PTPRD: variants seen among roughly 807,000 people sequenced by gnomAD.
PTPRD encodes receptor-type tyrosine-protein phosphatase delta.
A neutral mutation model predicts 214.5 loss-of-function variants in PTPRD; 34 were observed. The ratio of observed to expected loss-of-function variants is 0.16; its 90% CI spans 0.12 to 0.21. PTPRD has a LOEUF of 0.21. PTPRD is among the 10% of genes least tolerant of loss of function. PTPRD has a pLI of 1.00. For synonymous variants in PTPRD, 1,128 were observed against 845.7 expected (o/e 1.33, Z -5.79); for missense variants, 2,545 against 2,398.7 (o/e 1.06, Z -1.27).
Position 10,083,751 on chromosome 9 carries a change from C to A in PTPRD, c.-544-49961G>T, listed in dbSNP as rs566069446. 1.8e-4 allele frequency among the ~76,000 whole-genome samples: 28 copies of A among 152,016 alleles called. No homozygotes were observed. In the South Asian group the frequency reaches 5.8e-3, roughly 32 times the overall value. On this transcript the variant is annotated intron_variant, in intron 3 of 45. Transcript: ENST00000381196. ...TCGGGGGTGGATGAGGATCATCAGG[C>A]TTTAGATTCTCATAAGGAGCACGCG...
At chr9:8,328,568 G>C (rs1341032613) in intron 44 of PTPRD, among the ~76,000 whole-genome samples, 3 of 150,184 alleles carry the variant, frequency 2.0e-5, no homozygotes, top group Non-Finnish European at 4.4e-5. Context: ...ATGTTGGCCT[G>C]TCTTGCTAGG....
At chr9:9,701,279 T>C (rs546888443) in intron 7 of PTPRD, among the ~76,000 whole-genome samples, 2 of 152,262 alleles carry the variant, frequency 1.3e-5, no homozygotes, top group African/African-American at 4.8e-5. Context: ...TTATATCTCA[T>C]ATACAATAAG....
intron 14 of PTPRD, among the ~76,000 whole-genome samples, chr9:8,587,187 T>C (rs1040350708): frequency 6.6e-6 from 1 of 152,252 alleles, no homozygotes; most frequent in Middle Eastern, 3.4e-3. Context: ...AACGGAAGCC[T>C]AGAAATATTA....
chr9:9,177,887 C>G (rs1204289450), intron 10 of PTPRD, among the ~76,000 whole-genome samples: 1 of 152,042 alleles, frequency 6.6e-6, no homozygotes, highest in Non-Finnish European at 1.5e-5. Context: ...GATGCACATG[C>G]CTATGATGGT....
At chr9:10,466,775 C>G (rs993824036) in intron 2 of PTPRD, among the ~76,000 whole-genome samples, 1 of 151,946 alleles carries the variant, frequency 6.6e-6, no homozygotes, top group Admixed American at 6.6e-5. Context: ...GTAAGCTTCT[C>G]AAATACAAAG....
chr9:9,894,945 C>A (rs2074533384), intron 5 of PTPRD, among the ~76,000 whole-genome samples: 1 of 151,758 alleles, frequency 6.6e-6, no homozygotes, highest in African/African-American at 2.4e-5. Context: ...ACAAAAGAGC[C>A]AAAAATTCTT....
intron 10 of PTPRD, among the ~76,000 whole-genome samples, chr9:9,169,003 A>G (rs186400586): frequency 5.3e-5 from 8 of 152,080 alleles, no homozygotes; most frequent in African/African-American, 1.9e-4. Flanking sequence ...ATTTACCTAG[A>G]AAATATGCTT....
intron 11 of PTPRD, among the ~76,000 whole-genome samples, chr9:8,970,089 A>T (rs1228339216): frequency 1.3e-5 from 2 of 151,910 alleles, no homozygotes; most frequent in Non-Finnish European, 2.9e-5. Flanking sequence ...ACTAAAGGGT[A>T]TGTGGAGTTG....
chr9:8,370,120 A>C (rs986589122), intron 39 of PTPRD, among the ~76,000 whole-genome samples: 4 of 152,056 alleles, frequency 2.6e-5, no homozygotes, highest in Non-Finnish European at 4.4e-5. Context: ...AGTTTAATAA[A>C]TAGAAAGTTC....
At chr9:8,628,835 A>C (rs1029726525) in intron 14 of PTPRD, among the ~76,000 whole-genome samples, 71 of 151,962 alleles carry the variant, frequency 4.7e-4, no homozygotes, top group African/African-American at 1.6e-3. Context: ...TATATTTGCT[A>C]AACTAGGTAA....
intron 5 of PTPRD, among the ~76,000 whole-genome samples, chr9:9,818,390 G>C (rs2049477481): frequency 6.6e-6 from 1 of 152,038 alleles, no homozygotes; most frequent in African/African-American, 2.4e-5. Flanking sequence ...AACCAAGCTG[G>C]TGTGACAAGT....
At chr9:8,990,756 C>T (rs968383084) in intron 11 of PTPRD, among the ~76,000 whole-genome samples, 3 of 152,116 alleles carry the variant, frequency 2.0e-5, no homozygotes, top group African/African-American at 7.2e-5. Context: ...AGAGAGGCTG[C>T]CCCATACCCA....
At chr9:8,547,366 T>C (rs2080487562) in intron 14 of PTPRD, among the ~76,000 whole-genome samples, 1 of 152,088 alleles carries the variant, frequency 6.6e-6, no homozygotes, top group Non-Finnish European at 1.5e-5. Flanking sequence ...TAGGGTTAAA[T>C]AGGCATAGTG....
chr9:10,363,129 T>G (rs990007516), intron 2 of PTPRD, among the ~76,000 whole-genome samples: 1 of 152,330 alleles, frequency 6.6e-6, no homozygotes, highest in South Asian at 2.1e-4. Context: ...TTTTCTGATT[T>G]ATTTTTTCTC....
At chr9:9,078,555 A>G (rs2099754393) in intron 10 of PTPRD, among the ~76,000 whole-genome samples, 1 of 152,020 alleles carries the variant, frequency 6.6e-6, no homozygotes, top group Admixed American at 6.6e-5. Context: ...CTCATGTTCC[A>G]CTTTTTTATT....
At chr9:10,552,847 T>C (rs933648328) in intron 2 of PTPRD, among the ~76,000 whole-genome samples, 3 of 152,200 alleles carry the variant, frequency 2.0e-5, no homozygotes, top group African/African-American at 7.2e-5. Flanking sequence ...CTATCTTCTC[T>C]GTATGGAAAA....
chr9:9,953,178 T>G (rs1467970007), intron 4 of PTPRD, among the ~76,000 whole-genome samples: 1 of 152,180 alleles, frequency 6.6e-6, no homozygotes, highest in Non-Finnish European at 1.5e-5. Flanking sequence ...GGTCATGGTG[T>G]GCAGATATGT....
chr9:9,661,503 A>G (rs1406062363), intron 7 of PTPRD, among the ~76,000 whole-genome samples: 1 of 151,870 alleles, frequency 6.6e-6, no homozygotes, highest in African/African-American at 2.4e-5. Flanking sequence ...ACCATTTAAC[A>G]ATTATGCTAA....
In PTPRD at chr9:9,700,387, A is replaced by G. The variant is rs532272526; in HGVS notation, c.-287+34146T>C. Among the ~76,000 whole-genome samples the G allele has an allele frequency of 5.9e-5, 9 of 152,298 alleles. No individual in the cohort carries two copies. The South Asian group carries it at 1.9e-3, about 32-fold the overall frequency. Reference sequence around the variant, plus strand: ...GCAATATACAAGACAATATTTATATACTAATGCTGTTTCCTTCTGTAATAT... The same window carrying G: ...GCAATATACAAGACAATATTTATATGCTAATGCTGTTTCCTTCTGTAATAT... On this transcript the variant is annotated intron_variant, in intron 7 of 45. Coordinates refer to ENST00000381196, the MANE Select transcript of PTPRD (RefSeq NM_002839.4).
Sources: allele counts gnomAD v4.1 joint callset (sites outside exome capture counted in the v4.1 genomes callset), GRCh38; gene constraint gnomAD v4.1.1; transcripts MANE v1.5; gene names NCBI Gene and HGNC (gene_info 2026-07-23, HGNC 2026-07-21).